Variants in FAT3 observed in about 807,000 individuals in gnomAD.
The protein encoded by FAT3 is protocadherin Fat 3.
A neutral mutation model predicts 310.2 loss-of-function variants in FAT3; 95 were observed. That is an observed-to-expected ratio of 0.31 (90% CI 0.26 to 0.36). The LOEUF (loss-of-function observed/expected upper bound fraction) is 0.36. Ranked by LOEUF, FAT3 falls within the 10% of genes least tolerant of loss-of-function variation. FAT3 has a pLI of 1.00. For missense variants in FAT3, 5,408 were observed against 5,715.6 expected, an observed-to-expected ratio of 0.95 and a Z score of 1.74; for synonymous variants, 2,314 against 2,192.9, an observed-to-expected ratio of 1.06 and a Z score of -1.54.
chr11:92,288,257 A>G (rs1041848383), intron 1 of FAT3, among the ~76,000 whole-genome samples: 1 of 152,174 alleles, frequency 6.6e-6, no homozygotes, highest in Admixed American at 6.5e-5. Flanking sequence ...AATTTATACA[A>G]TCAGTGACAT....
At chr11:92,362,541 T>C (rs1948908702) in intron 2 of FAT3, among the ~76,000 whole-genome samples, 1 of 152,228 alleles carries the variant, frequency 6.6e-6, no homozygotes, top group South Asian at 2.1e-4. Context: ...CTTTCTACAC[T>C]GGTTACTGTG....
intron 2 of FAT3, among the ~76,000 whole-genome samples, chr11:92,487,313 T>C (rs896119996): frequency 6.6e-6 from 1 of 152,172 alleles, no homozygotes; most frequent in African/African-American, 2.4e-5. Context: ...AATAAAACAT[T>C]TGCAGGCTGG....
At chr11:92,293,245 G>C (rs1027383088) in intron 1 of FAT3, among the ~76,000 whole-genome samples, 3 of 151,486 alleles carry the variant, frequency 2.0e-5, no homozygotes, top group Admixed American at 1.3e-4. Context: ...GGCCATGGAG[G>C]GGGGATGAGC....
chr11:92,261,031 T>C (rs1865531152), intron 1 of FAT3, among the ~76,000 whole-genome samples: 1 of 152,106 alleles, frequency 6.6e-6, no homozygotes, highest in Admixed American at 6.6e-5. Flanking sequence ...GGCAGAGTTA[T>C]TGAAAGAGAA....
chr11:92,719,174 C>G (rs1944780931), intron 4 of FAT3, among the ~76,000 whole-genome samples: 1 of 152,142 alleles, frequency 6.6e-6, no homozygotes, highest in Admixed American at 6.6e-5. Context: ...GTCACTGTTT[C>G]CTAGGACAGA....
intron 1 of FAT3, among the ~76,000 whole-genome samples, chr11:92,255,331 G>A (rs542845231): frequency 7.1e-6 from 1 of 141,672 alleles, no homozygotes; most frequent in African/African-American, 2.5e-5. Context: ...TTTATTTTAG[G>A]GTTTTTTTTT....
chr11:92,737,009 T>G (rs942707839), intron 4 of FAT3, among the ~76,000 whole-genome samples: 1 of 152,156 alleles, frequency 6.6e-6, no homozygotes, highest in African/African-American at 2.4e-5. Context: ...TAACTATGAA[T>G]TATTTTCCTG....
At chr11:92,233,728 T>G (rs1433308234) in intron 1 of FAT3, among the ~76,000 whole-genome samples, 1 of 152,184 alleles carries the variant, frequency 6.6e-6, no homozygotes, top group East Asian at 1.9e-4. Context: ...ATTGAACAAT[T>G]GAATGGGAAA....
At chr11:92,314,016 A>C (rs1947373127) in intron 1 of FAT3, among the ~76,000 whole-genome samples, 1 of 152,248 alleles carries the variant, frequency 6.6e-6, no homozygotes, top group African/African-American at 2.4e-5. Flanking sequence ...GATATTTTGC[A>C]TGCTGTAGCA....
intron 2 of FAT3, among the ~76,000 whole-genome samples, chr11:92,448,199 A>G (rs1287395924): frequency 2.0e-5 from 3 of 152,212 alleles, no homozygotes; most frequent in Non-Finnish European, 4.4e-5. Flanking sequence ...TTGGAACAAC[A>G]TAAGGCAAAA....
At chr11:92,515,805 T>G (rs1953462074) in intron 2 of FAT3, among the ~76,000 whole-genome samples, 1 of 152,062 alleles carries the variant, frequency 6.6e-6, no homozygotes, top group Non-Finnish European at 1.5e-5. Flanking sequence ...TGCACAATGA[T>G]TAAATAGTGA....
intron 2 of FAT3, among the ~76,000 whole-genome samples, chr11:92,481,914 C>T (rs975788430): frequency 1.3e-5 from 2 of 152,098 alleles, no homozygotes; most frequent in African/African-American, 2.4e-5. Flanking sequence ...TGTGAAAGCA[C>T]ACATAAAGTA....
At chr11:92,232,063 G>C (rs1864205939) in intron 1 of FAT3, among the ~76,000 whole-genome samples, 1 of 152,062 alleles carries the variant, frequency 6.6e-6, no homozygotes, top group Non-Finnish European at 1.5e-5. Flanking sequence ...GTTGTGATTG[G>C]GTGAGCAGTG....
At chr11:92,363,669 C>CTTTTTTTG (rs1948938775) in intron 2 of FAT3, among the ~76,000 whole-genome samples, 1 of 152,178 alleles carries the variant, frequency 6.6e-6, no homozygotes, top group Non-Finnish European at 1.5e-5. Flanking sequence ...CCATCTAAAT[C>CTTTTTTTG]AAAAGAGGCT....
intron 2 of FAT3, among the ~76,000 whole-genome samples, chr11:92,393,090 A>G (rs1306631815): frequency 6.6e-6 from 1 of 152,104 alleles, no homozygotes; most frequent in Middle Eastern, 3.2e-3. Context: ...TGGAACCTAA[A>G]TGTCAGTTAT....
At chr11:92,332,489 CTGTTTTGTTT>C (rs987524748) in intron 1 of FAT3, among the ~76,000 whole-genome samples, 3 of 152,026 alleles carry the variant, frequency 2.0e-5, no homozygotes, top group African/African-American at 7.2e-5. Context: ...TGTTGTTGTT[CTGTTTTGTTT>C]TGTTTTAGGC....
intron 3 of FAT3, among the ~76,000 whole-genome samples, chr11:92,666,509 G>A (rs778113572): frequency 2.0e-5 from 3 of 150,210 alleles, no homozygotes; most frequent in South Asian, 2.1e-4. Flanking sequence ...CCGCCACCAC[G>A]CCCAGCTATT....
At chr11:92,836,927 T>C (rs1054175163) in intron 16 of FAT3, among the ~76,000 whole-genome samples, 4 of 152,178 alleles carry the variant, frequency 2.6e-5, no homozygotes, top group African/African-American at 9.7e-5. Flanking sequence ...AAGATAAATA[T>C]GTATCTTTCT....
chr11:92,876,515 T>A (rs974587438), intron 22 of FAT3, among the ~76,000 whole-genome samples: 2 of 152,202 alleles, frequency 1.3e-5, no homozygotes, highest in Non-Finnish European at 2.9e-5. Context: ...GGCCTTTCCT[T>A]AGGAGCTCCT....
Sources: allele counts gnomAD v4.1 joint callset (sites outside exome capture counted in the v4.1 genomes callset), GRCh38; gene constraint gnomAD v4.1.1; transcripts MANE v1.5; gene names NCBI Gene and HGNC (gene_info 2026-07-23, HGNC 2026-07-21).